PSTPIP1: variants seen among roughly 807,000 people sequenced by gnomAD.
PSTPIP1 encodes proline-serine-threonine phosphatase-interacting protein 1.
PSTPIP1 carries 66 observed loss-of-function variants against 69.6 expected under a neutral mutation model. The ratio of observed to expected loss-of-function variants is 0.95; its 90% CI spans 0.78 to 1.16. The LOEUF is 1.16. PSTPIP1 is among the 50% of genes most tolerant of loss of function. PSTPIP1 has a pLI of 0.00. For synonymous variants in PSTPIP1, 266 were observed against 222.7 expected (o/e 1.19, Z -1.73); for missense variants, 603 against 557.4 (o/e 1.08, Z -0.82).
intron 1 of PSTPIP1, among the ~76,000 whole-genome samples, chr15:77,003,978 C>T (rs34220530): frequency 0.38 from 57,374 of 152,120 alleles, 12,615 homozygotes; most frequent in Middle Eastern, 0.56. Context: ...ATGCCTCCTC[C>T]AATCATGTTC....
chr15:77,027,678 C>A lies in PSTPIP1; in HGVS notation c.355-174C>A. On this transcript the variant is annotated intron_variant, in intron 5 of 14. Coordinates refer to ENST00000558012, the MANE Select transcript of PSTPIP1 (RefSeq NM_003978.5). This position sits in a 1 kb window ranked among gnomAD's most constrained non-coding sequence, Gnocchi z 4.3. ...TGCCCTGTGATTCTCTGTGGCCTTCCATTGTGAGGGTCACTGTGAAGCAGC... is the reference window on the plus strand; with the variant it reads ...TGCCCTGTGATTCTCTGTGGCCTTCAATTGTGAGGGTCACTGTGAAGCAGC... 1.4e-6 allele frequency: 1 copy of A among 732,138 alleles called. No homozygotes were observed. Among genetic ancestry groups the A allele is most frequent in the South Asian group, 1.5e-5 (1 of 67,268 alleles). The allele number at this position is 732,138 out of a possible 1,614,324, so 45.4% of individuals were successfully genotyped here.
intron 14 of PSTPIP1, 28 bp from the exon 15 acceptor site, chr15:77,037,017 C>T (rs373047005): frequency 1.2e-4 from 189 of 1,606,970 alleles, no homozygotes; most frequent in Middle Eastern, 3.3e-4. Flanking sequence ...GCCCTTCCAA[C>T]GTCATGCGCT....
rs1180046858 is a variant in PSTPIP1, at chr15:77,031,218, C to T, written c.681C>T (p.Leu227=). 1 of 1,612,974 alleles carries T rather than the reference C, an allele frequency of 6.2e-7. No homozygotes were observed. Among genetic ancestry groups the T allele is most frequent in the East Asian group, 2.2e-5 (1 of 44,894 alleles). Residue 227 remains leucine, a synonymous_variant, in exon 10 of 15, where the codon CTC becomes CTT. Transcript: ENST00000558012. ...QLQEFDRLTI[L]RNALWVHSNQ... ...AAGAGTTTGACCGGCTGACCATTCT[C>T]CGCAACGCCCTGTGGGTGCACAGCA...
chr15:77,007,633 T>C (rs1002561552), intron 1 of PSTPIP1, among the ~76,000 whole-genome samples: 1 of 150,742 alleles, frequency 6.6e-6, no homozygotes, highest in Admixed American at 6.6e-5. Context: ...CTCGCTCTGC[T>C]GCCCAAGCTG....
Position 77,028,621 on chromosome 15 carries a change from G to C in PSTPIP1, c.485G>C (p.Ser162Thr), listed in dbSNP as rs1408378973. The change falls in exon 7 of 15, where the codon AGC (serine) becomes ACC (threonine). Residue 162 changes from serine to threonine, a missense_variant. Transcript: ENST00000558012. ...GCGGAGCAGGCCTTCGAGCGCATTA[G>C]CGCCAACGGCCACCAGAAGCAGGTG... Reference protein sequence around the residue: ...DDAEQAFERISANGHQKQVEK... With the variant: ...DDAEQAFERITANGHQKQVEK... 1 of 1,588,774 alleles carries C rather than the reference G, an allele frequency of 6.3e-7. No homozygotes were observed. The highest frequency in any genetic ancestry group is 8.6e-7 in the Non-Finnish European group (1 of 1,168,910).
chr15:77,032,336 C>T lies in PSTPIP1; in HGVS notation c.780C>T (p.Ser260=), dbSNP rs888321304. 1 of 1,612,488 alleles carries T rather than the reference C, an allele frequency of 6.2e-7. No individual in the cohort carries two copies. The highest frequency in any genetic ancestry group is 1.3e-5 in the African/African-American group (1 of 74,932). The change falls in exon 11 of 15, where the codon AGC becomes AGT. Residue 260 remains serine (S), a synonymous_variant. Coordinates refer to ENST00000558012, the MANE Select transcript of PSTPIP1 (RefSeq NM_003978.5). The stretch of plus-strand genomic sequence containing the variant: ...TGCGGCTGACGCTGGAAGGCTGCAG[C>T]ATAGACGCCGACATCGACAGTTTCA... ...EEVRLTLEGC[S]IDADIDSFIQ...
intron 12 of PSTPIP1, among the ~76,000 whole-genome samples, chr15:77,034,607 C>A (rs1211919750): frequency 6.6e-6 from 1 of 152,218 alleles, no homozygotes; most frequent in African/African-American, 2.4e-5. Context: ...CTCCACAAAC[C>A]CCACCTGTGC....
intron 1 of PSTPIP1, among the ~76,000 whole-genome samples, chr15:77,006,596 T>C (rs1240605051): frequency 6.6e-6 from 1 of 152,232 alleles, no homozygotes; most frequent in African/African-American, 2.4e-5. Flanking sequence ...ATCTAGGTGT[T>C]CACTTCATCT....
intron 1 of PSTPIP1, chr15:77,015,854 G>A: frequency 2.2e-6 from 1 of 450,714 alleles, no homozygotes; most frequent in South Asian, 1.6e-5. Context: ...AGCTCACTCG[G>A]CCACAGCCCC....
intron 1 of PSTPIP1, among the ~76,000 whole-genome samples, chr15:77,005,176 GA>G (rs759520167): frequency 1.5e-4 from 23 of 152,118 alleles, no homozygotes; most frequent in Non-Finnish European, 2.6e-4. Context: ...CTGAGGTCGG[GA>G]GTTCAAGACC....
intron 1 of PSTPIP1, among the ~76,000 whole-genome samples, chr15:77,003,570 C>T (rs960658835): frequency 4.6e-5 from 7 of 151,910 alleles, no homozygotes; most frequent in African/African-American, 9.7e-5. Context: ...GCAGGAGAAT[C>T]GCTTGAACCC....
chr15:77,017,030 T>G (rs975016478), intron 1 of PSTPIP1, among the ~76,000 whole-genome samples: 1 of 151,992 alleles, frequency 6.6e-6, no homozygotes, highest in African/African-American at 2.4e-5. Context: ...TCCTCAGGGA[T>G]AGAAAGGAAG....
intron 1 of PSTPIP1, among the ~76,000 whole-genome samples, chr15:77,001,379 G>A (rs569667992): frequency 2.3e-4 from 35 of 152,312 alleles, no homozygotes; most frequent in African/African-American, 8.4e-4. Flanking sequence ...CAGGAAGGAG[G>A]GACCCCAGAA....
chr15:77,028,598 G>A lies in PSTPIP1; in HGVS notation c.462G>A (p.Ala154=), dbSNP rs2076342165. Residue 154 remains alanine (A), a synonymous_variant, in exon 7 of 15, where the codon GCG becomes GCA. Transcript: ENST00000558012. ...AGAAGTGCCGGGACGCGGACGACGC[G>A]GAGCAGGCCTTCGAGCGCATTAGCG... ...YEQKCRDADD[A]EQAFERISAN... is the part of the protein sequence containing the mutation. The A allele has an allele frequency of 1.9e-6, 3 of 1,602,778 alleles. No individual in the cohort carries two copies. Among genetic ancestry groups the A allele is most frequent in the Non-Finnish European group, 2.6e-6 (3 of 1,175,536 alleles).
At chr15:77,021,447 T>A (rs2076159736) in intron 3 of PSTPIP1, among the ~76,000 whole-genome samples, 1 of 152,054 alleles carries the variant, frequency 6.6e-6, no homozygotes, top group South Asian at 2.1e-4. Flanking sequence ...ATCCCATCAC[T>A]TTGGGAGGCT....
intron 11 of PSTPIP1, 37 bp downstream of exon 11, chr15:77,032,431 G>A (rs772975585): frequency 6.2e-7 from 1 of 1,602,558 alleles, no homozygotes; most frequent in Non-Finnish European, 8.5e-7. Flanking sequence ...GCCTCTAGGT[G>A]CATTGAGCCC....
At position 77,030,622 on chromosome 15, in the gene PSTPIP1, A is replaced by G. The variant is rs1343021498; in HGVS notation, c.642+41A>G. On this transcript the variant is annotated intron_variant, in intron 9 of 14. Transcript: ENST00000558012. ...GGAGCCTCGTTTTCCCCAGCTGGGA[A>G]GTGTGAGACGCCCATCCCTACTCCA... The G allele has an allele frequency of 3.2e-6, 5 of 1,553,948 alleles. No individual in the cohort carries two copies. Among genetic ancestry groups the G allele is most frequent in the South Asian group, 2.4e-5 (2 of 84,590 alleles).
At chr15:77,002,840 G>T (rs939495008) in intron 1 of PSTPIP1, among the ~76,000 whole-genome samples, 3 of 150,872 alleles carry the variant, frequency 2.0e-5, no homozygotes, top group Admixed American at 2.0e-4. Flanking sequence ...TTTCCTGGCT[G>T]CTCCTGACAT....
intron 5 of PSTPIP1, among the ~76,000 whole-genome samples, chr15:77,026,636 G>C (rs2076286725): frequency 6.6e-6 from 1 of 152,230 alleles, no homozygotes. Context: ...GCTCTGGTTA[G>C]CAGCTCTGCT....
Sources: gnomAD v4.1 joint callset for allele counts (sites outside exome capture counted in the v4.1 genomes callset) on GRCh38, gnomAD v4.1.1 for gene constraint, Gnocchi (gnomAD v3.1) non-coding constraint, MANE v1.5 for transcripts, NCBI Gene and HGNC (gene_info 2026-07-23, HGNC 2026-07-21) for gene names.